Variants in USP34 observed in about 807,000 individuals in gnomAD.
USP34 encodes ubiquitin carboxyl-terminal hydrolase 34.
In USP34, 70 loss-of-function variants were observed where a neutral mutation model predicts 460.3. The ratio of observed to expected loss-of-function variants is 0.15; its 90% CI spans 0.13 to 0.19. The LOEUF (loss-of-function observed/expected upper bound fraction) is 0.19. Among genes scored for constraint, USP34 ranks in the 10% least tolerant of loss-of-function variants. USP34 has a pLI of 1.00. For missense variants in USP34, 3,985 were observed against 4,236.2 expected (o/e 0.94, Z 1.65); for synonymous variants, 1,647 against 1,405.3 (o/e 1.17, Z -3.85).
chr2:61,343,768 T>A lies in USP34; in HGVS notation c.2500+47A>T, dbSNP rs762757469. 3.5e-5 allele frequency: 54 copies of A among 1,562,020 alleles called. No individual in the cohort carries two copies. The Admixed American group carries it at 5.4e-4, about 16-fold the overall frequency. On this transcript the variant is annotated intron_variant, in intron 16 of 79. Transcript: ENST00000398571. ...CTTTCAACAAAGTAAGATAAATTAT[T>A]CCTGTTGTGAAGAAGGTAATATATT...
At chr2:61,307,910 A>ATGATGGCCGGCACC (rs964787012) in intron 27 of USP34, among the ~76,000 whole-genome samples, 2 of 152,088 alleles carry the variant, frequency 1.3e-5, no homozygotes, top group African/African-American at 4.8e-5. Context: ...TCAGCTGGGC[A>ATGATGGCCGGCACC]TGATGGCCGG....
chr2:61,373,506 A>G (rs972679828), intron 8 of USP34, among the ~76,000 whole-genome samples: 6 of 152,338 alleles, frequency 3.9e-5, no homozygotes, highest in Non-Finnish European at 7.3e-5. Flanking sequence ...GGTTATACCA[A>G]TAACAAATAA....
At chr2:61,441,635 G>GT (rs1364191622) in intron 1 of USP34, among the ~76,000 whole-genome samples, 3 of 151,340 alleles carry the variant, frequency 2.0e-5, no homozygotes, top group East Asian at 1.9e-4. Context: ...ACAGAAATGC[G>GT]TAAGTGCCAA....
intron 5 of USP34, among the ~76,000 whole-genome samples, chr2:61,394,561 A>G (rs1050397715): frequency 6.6e-6 from 1 of 150,402 alleles, no homozygotes; most frequent in Admixed American, 6.6e-5. Context: ...AAAAAAAATA[A>G]GTTAAAAAAT....
In USP34 at chr2:61,295,173, A is replaced by C; in HGVS notation, c.4372T>G (p.Ser1458Ala). 6.2e-7 allele frequency: 1 copy of C among 1,609,178 alleles called. No individual in the cohort carries two copies. Among genetic ancestry groups the C allele is most frequent in the Non-Finnish European group, 8.5e-7 (1 of 1,178,596 alleles). The change falls in exon 31 of 80, where the codon TCT (serine) becomes GCT (alanine). Residue 1458 changes from serine to alanine, a missense_variant. Ser to Ala is a moderately conservative substitution (Grantham distance 99, BLOSUM62 1). This residue lies in a region of USP34 where 1,114 missense variants were observed against 1,122.5 expected (regional missense o/e 0.99). Transcript: ENST00000398571. ...AATAATGGAAATGCAATTACCGTAG[A>C]CTCCCTCCTTATTCTTCTATTAGGT... Reference protein sequence around the residue: ...GKPNRRIRRESTGSYSDLYPD... With the variant: ...GKPNRRIRREATGSYSDLYPD...
Position 61,470,992 on chromosome 2 carries a change from G to A in USP34, c.-300C>T, listed in dbSNP as rs1695945554. On this transcript the variant is annotated 5_prime_UTR_variant, in exon 1 of 80. Coordinates refer to ENST00000398571, the MANE Select transcript of USP34 (RefSeq NM_014709.4). ...CGGGGGGAGGGGAGAGGGGGGGAGGGGGCGGGTGGGGAGAGAAGCAGCAGA... is the reference window on the plus strand; with the variant it reads ...CGGGGGGAGGGGAGAGGGGGGGAGGAGGCGGGTGGGGAGAGAAGCAGCAGA... 6.9e-6 allele frequency among the ~76,000 whole-genome samples: 1 copy of A among 144,764 alleles called. No homozygotes were observed. Among genetic ancestry groups the A allele is most frequent in the South Asian group, 2.2e-4 (1 of 4,602 alleles). 95.0% of individuals were successfully genotyped at this position (144,764 alleles called of 152,430 possible).
At chr2:61,241,121 T>C (rs1260290537) in intron 53 of USP34, among the ~76,000 whole-genome samples, 2 of 152,126 alleles carry the variant, frequency 1.3e-5, no homozygotes, top group Non-Finnish European at 2.9e-5. Context: ...CTCCATTCAC[T>C]GCAACCTCCG....
chr2:61,421,319 G>T lies in USP34; in HGVS notation c.44-486C>A, dbSNP rs1429498758. Among the ~76,000 whole-genome samples the T allele has an allele frequency of 3.4e-4, 51 of 152,196 alleles. 1 individual carries two copies. Among genetic ancestry groups the T allele is most frequent in the Admixed American group, 3.3e-3 (51 of 15,262 alleles). Reference sequence around the variant, plus strand: ...GGTACTCCTCTCAGAGGTATCAGCAGTAGCCACAGAGCATACCTTCCTTGA... The same window carrying T: ...GGTACTCCTCTCAGAGGTATCAGCATTAGCCACAGAGCATACCTTCCTTGA... On this transcript the variant is annotated intron_variant, in intron 1 of 79. Transcript: ENST00000398571.
At chr2:61,445,779 A>G (rs1406860095) in intron 1 of USP34, among the ~76,000 whole-genome samples, 1 of 151,924 alleles carries the variant, frequency 6.6e-6, no homozygotes, top group African/African-American at 2.4e-5. Context: ...CCCAGTCTCT[A>G]TTTTTAAAAA....
At chr2:61,258,246 G>A (rs1688774475) in intron 44 of USP34, among the ~76,000 whole-genome samples, 1 of 152,122 alleles carries the variant, frequency 6.6e-6, no homozygotes, top group Non-Finnish European at 1.5e-5. Context: ...CCCAGGCAGT[G>A]GAGCAGTGTC....
intron 47 of USP34, 60 bp from the exon 48 acceptor site, chr2:61,256,538 A>AAAG: frequency 7.6e-7 from 1 of 1,313,514 alleles, no homozygotes. Flanking sequence ...CAAATATACA[A>AAAG]AAGGTGGCAA....
At position 61,248,502 on chromosome 2, in the gene USP34, A is replaced by T; in HGVS notation, c.6394+9T>A. 1 of 1,547,050 alleles carries T rather than the reference A, an allele frequency of 6.5e-7. No homozygotes were observed. Among genetic ancestry groups the T allele is most frequent in the Non-Finnish European group, 8.8e-7 (1 of 1,141,984 alleles). ...AATCACAGACAAGAGAAAGAAATGAAAAAATCACCTTCTTTCCTCTCACTC... is the reference window on the plus strand; with the variant it reads ...AATCACAGACAAGAGAAAGAAATGATAAAATCACCTTCTTTCCTCTCACTC... On this transcript the variant is annotated intron_variant, in intron 49 of 79. Transcript: ENST00000398571.
At chr2:61,196,069 ATTTTTTTTTTT>A (rs71403398) in intron 75 of USP34, among the ~76,000 whole-genome samples, 20 of 41,576 alleles carry the variant, frequency 4.8e-4, no homozygotes, top group East Asian at 9.3e-4. Context: ...ACCATGCACG[ATTTTTTTTTTT>A]TTTTTTTTTT....
intron 6 of USP34, among the ~76,000 whole-genome samples, chr2:61,380,809 G>A (rs1692946169): frequency 6.6e-6 from 1 of 152,154 alleles, no homozygotes; most frequent in African/African-American, 2.4e-5. Context: ...AACAAAACAA[G>A]GAACCAAGGT....
rs374665787 is a variant in USP34, at chr2:61,311,716, A to C, written c.3670-29T>G. The C allele has an allele frequency of 1.2e-4, 186 of 1,608,152 alleles. 1 individual carries two copies. Among genetic ancestry groups the C allele is most frequent in the African/African-American group, 1.1e-3 (80 of 74,624 alleles). On this transcript the variant is annotated intron_variant, in intron 26 of 79. Transcript: ENST00000398571. ...AAATATGAGATGCAACCAATTTAAA[A>C]ATACAAAAAGAACAGATATTTGACC...
intron 51 of USP34, 47 bp from the exon 52 acceptor site, chr2:61,241,866 C>G: frequency 1.0e-6 from 1 of 976,686 alleles, no homozygotes; most frequent in Non-Finnish European, 1.5e-6. Flanking sequence ...AATGGGTATA[C>G]TCAGCTATAT....
chr2:61,367,942 G>A (rs1692489124), intron 10 of USP34, among the ~76,000 whole-genome samples: 1 of 152,134 alleles, frequency 6.6e-6, no homozygotes, highest in South Asian at 2.1e-4. Flanking sequence ...AATGAGGAAG[G>A]ACTAGTCGTC....
chr2:61,465,125 TAAAGCCAAATATGATTTTGA>T (rs1695722863), intron 1 of USP34, among the ~76,000 whole-genome samples: 2 of 150,628 alleles, frequency 1.3e-5, no homozygotes, highest in Non-Finnish European at 3.0e-5. Flanking sequence ...ATTCTAACAC[TAAAGCCAAATATGATTTTGA>T]AATGTAGTTT....
chr2:61,293,367 A>T (rs1003243870), intron 33 of USP34, 97 bp downstream of exon 33: 10 of 813,158 alleles, frequency 1.2e-5, no homozygotes, highest in African/African-American at 1.7e-5. Flanking sequence ...CTTTATTATA[A>T]GGAACTATAT....
Sources: allele counts gnomAD v4.1 joint callset (sites outside exome capture counted in the v4.1 genomes callset), GRCh38; gene constraint gnomAD v4.1.1; regional missense constraint gnomAD v4.1.1; transcripts MANE v1.5; gene names NCBI Gene and HGNC (gene_info 2026-07-23, HGNC 2026-07-21).